CALN1: variants seen among roughly 807,000 people sequenced by gnomAD.
CALN1 encodes the protein calcium-binding protein 8.
In CALN1, 17 loss-of-function variants were observed where a neutral mutation model predicts 30.6. The ratio of observed to expected loss-of-function variants is 0.56; its 90% CI spans 0.38 to 0.83. The LOEUF (loss-of-function observed/expected upper bound fraction) is 0.83, where lower values mean the gene tolerates loss of function less well. CALN1 is among the 40% of genes least tolerant of loss of function. CALN1 has a pLI of 0.00. For missense variants in CALN1, 291 were observed against 354.9 expected, an observed-to-expected ratio of 0.82 and a Z score of 1.45; for synonymous variants, 156 against 131.4, an observed-to-expected ratio of 1.19 and a Z score of -1.28.
upstream of CALN1, among the ~76,000 whole-genome samples, chr7:72,413,899 C>G (rs1467227398): frequency 6.6e-6 from 1 of 151,916 alleles, no homozygotes; most frequent in African/African-American, 2.4e-5. Flanking sequence ...TACATACATA[C>G]ACACGTACAC....
At chr7:72,162,205 A>G (rs1441423358) in intron 3 of CALN1, among the ~76,000 whole-genome samples, 3 of 152,010 alleles carry the variant, frequency 2.0e-5, no homozygotes, top group Non-Finnish European at 4.4e-5. Flanking sequence ...CACATAATCT[A>G]TTACCTTGAG....
At chr7:72,108,908 C>T (rs548832880) in intron 3 of CALN1, among the ~76,000 whole-genome samples, 6 of 152,298 alleles carry the variant, frequency 3.9e-5, no homozygotes, top group Admixed American at 6.5e-5. Context: ...TCATGGATTC[C>T]GCAAAACTGT....
At position 72,028,058 on chromosome 7, in the gene CALN1, CAAA is replaced by C. The variant is rs34092922; in HGVS notation, c.389-4292_389-4290del. On this transcript the variant is annotated intron_variant, in intron 4 of 6. Transcript: ENST00000395275. The stretch of plus-strand genomic sequence containing the variant: ...TGGGCGACAGAGCGAGACTCCGTCT[CAAA>C]AAAAAAAAAAAAAAAAAAAAAAAAC... Among the ~76,000 whole-genome samples the C allele has an allele frequency of 5.2e-3, 427 of 82,632 alleles. 1 individual carries two copies. Among genetic ancestry groups the C allele is most frequent in the African/African-American group, 0.012 (359 of 29,342 alleles). The allele number at this position is 82,632 out of a possible 152,430, so 54.2% of individuals were successfully genotyped here.
intron 1 of CALN1, among the ~76,000 whole-genome samples, chr7:72,441,890 C>A (rs970391144): frequency 2.6e-5 from 4 of 152,100 alleles, no homozygotes; most frequent in African/African-American, 9.7e-5. Flanking sequence ...CAGCCCAAAT[C>A]TCTCTCGTGA....
intron 5 of CALN1, among the ~76,000 whole-genome samples, chr7:71,884,317 C>G (rs1179577989): frequency 2.0e-5 from 3 of 152,160 alleles, no homozygotes; most frequent in African/African-American, 7.2e-5. Context: ...CTTCCACATG[C>G]AGTCCTGGAG....
At chr7:72,109,831 T>C (rs2129541492) in intron 3 of CALN1, among the ~76,000 whole-genome samples, 1 of 152,324 alleles carries the variant, frequency 6.6e-6, no homozygotes, top group East Asian at 1.9e-4. Context: ...AGCTCTGCTC[T>C]GCAAGCTGGT....
At chr7:72,191,951 T>C (rs182306353) in intron 3 of CALN1, among the ~76,000 whole-genome samples, 172 of 152,208 alleles carry the variant, frequency 1.1e-3, no homozygotes, top group Admixed American at 4.2e-3. Flanking sequence ...CCATTACCTT[T>C]AATGGCAAAA....
At chr7:72,107,710 T>G (rs914478999) in intron 3 of CALN1, among the ~76,000 whole-genome samples, 1 of 152,220 alleles carries the variant, frequency 6.6e-6, no homozygotes, top group Admixed American at 6.5e-5. Flanking sequence ...CAAGCCCAGA[T>G]ATGTCAGCTG....
At chr7:71,929,347 A>G (rs1046422020) in intron 5 of CALN1, among the ~76,000 whole-genome samples, 1 of 152,110 alleles carries the variant, frequency 6.6e-6, no homozygotes, top group African/African-American at 2.4e-5. Flanking sequence ...TGTTCTCATC[A>G]TTCAGCTCCC....
At chr7:72,185,365 G>A (rs1049713290) in intron 3 of CALN1, among the ~76,000 whole-genome samples, 15 of 152,142 alleles carry the variant, frequency 9.9e-5, no homozygotes, top group African/African-American at 3.4e-4. Context: ...CAAACAGGTA[G>A]GTGGAGAAAA....
intron 5 of CALN1, among the ~76,000 whole-genome samples, chr7:71,849,287 A>G (rs1239993471): frequency 6.6e-6 from 1 of 152,188 alleles, no homozygotes; most frequent in Non-Finnish European, 1.5e-5. Context: ...GTTTCACGCT[A>G]AATTCCCACG....
At chr7:72,097,989 C>A (rs186899839) in intron 4 of CALN1, among the ~76,000 whole-genome samples, 1 of 152,344 alleles carries the variant, frequency 6.6e-6, no homozygotes, top group East Asian at 1.9e-4. Context: ...GCTGGGATTA[C>A]AGGCGTGAGC....
chr7:72,439,001 C>T (rs1266744461), intron 1 of CALN1, among the ~76,000 whole-genome samples: 1 of 152,150 alleles, frequency 6.6e-6, no homozygotes, highest in Non-Finnish European at 1.5e-5. Flanking sequence ...AGGGGTGCTG[C>T]TCCCCCTACC....
intron 5 of CALN1, among the ~76,000 whole-genome samples, chr7:71,920,330 CTTT>C (rs71092931): frequency 0.053 from 5,270 of 98,690 alleles, 314 homozygotes; most frequent in African/African-American, 0.19. Flanking sequence ...CAAATTAGTT[CTTT>C]TTTTTTTTTT....
At chr7:71,833,176 T>C (rs1486245825) in intron 5 of CALN1, among the ~76,000 whole-genome samples, 1 of 152,220 alleles carries the variant, frequency 6.6e-6, no homozygotes, top group Non-Finnish European at 1.5e-5. Flanking sequence ...TTCTCTTACA[T>C]GTGATCCATG....
At chr7:71,791,903 G>T (rs966655403) in intron 6 of CALN1, among the ~76,000 whole-genome samples, 8 of 152,176 alleles carry the variant, frequency 5.3e-5, no homozygotes, top group African/African-American at 1.9e-4. Context: ...CCCAGCTACT[G>T]GGGAGGCTGA....
chr7:72,219,719 CACAT>C, intron 3 of CALN1, among the ~76,000 whole-genome samples: 1 of 151,864 alleles, frequency 6.6e-6, no homozygotes, highest in Admixed American at 6.6e-5. Flanking sequence ...CGCACGTGCA[CACAT>C]ACACACAAGC....
chr7:72,447,868 C>G (rs939803330), upstream of CALN1, among the ~76,000 whole-genome samples: 1 of 151,936 alleles, frequency 6.6e-6, no homozygotes, highest in Non-Finnish European at 1.5e-5. Context: ...CATGCACACA[C>G]ACATGCCTGC....
At chr7:72,117,187 C>A (rs1467806561) in intron 3 of CALN1, among the ~76,000 whole-genome samples, 1 of 152,118 alleles carries the variant, frequency 6.6e-6, no homozygotes, top group Non-Finnish European at 1.5e-5. Context: ...TGTATTGGTG[C>A]ACACCTGCAG....
Sources: allele counts gnomAD v4.1 joint callset (sites outside exome capture counted in the v4.1 genomes callset), GRCh38; gene constraint gnomAD v4.1.1; transcripts MANE v1.5; gene names NCBI Gene and HGNC (gene_info 2026-07-23, HGNC 2026-07-21).